The following GRIK4 variants were observed in gnomAD, a reference collection of about 807,000 sequenced individuals.
GRIK4 encodes the protein glutamate receptor ionotropic, kainate 4.
A neutral mutation model predicts 104.9 loss-of-function variants in GRIK4; 40 were observed. That is an observed-to-expected ratio of 0.38 (90% confidence interval 0.30 to 0.50). The LOEUF is 0.50. GRIK4 is among the 20% of genes least tolerant of loss of function. The pLI is 0.93. For synonymous variants in GRIK4, 485 were observed against 524.9 expected (o/e 0.92, Z 1.04); for missense variants, 1,047 against 1,308.1 (o/e 0.80, Z 3.08).
intron 13 of GRIK4, among the ~76,000 whole-genome samples, chr11:120,922,745 C>A (rs555212978): frequency 1.2e-4 from 19 of 152,288 alleles, no homozygotes; most frequent in African/African-American, 3.8e-4. Context: ...ATGGCGGTGT[C>A]GGCAGCTACA....
intron 19 of GRIK4, among the ~76,000 whole-genome samples, chr11:120,976,819 T>C (rs1591352867): frequency 6.6e-6 from 1 of 152,240 alleles, no homozygotes; most frequent in Non-Finnish European, 1.5e-5. Context: ...TTCCCAGCCT[T>C]CCCTCACTTT....
At chr11:120,652,025 C>T (rs1198553403) in intron 1 of GRIK4, among the ~76,000 whole-genome samples, 2 of 152,162 alleles carry the variant, frequency 1.3e-5, no homozygotes, top group East Asian at 1.9e-4. Flanking sequence ...CCCAGTTCCT[C>T]CATTTCCCCG....
chr11:120,838,415 G>A (rs11218023), intron 8 of GRIK4, among the ~76,000 whole-genome samples: 27 of 152,146 alleles, frequency 1.8e-4, no homozygotes, highest in Non-Finnish European at 3.5e-4. Context: ...AAAATATATA[G>A]CTCTATGATG....
At chr11:120,674,637 G>C (rs11217962) in intron 3 of GRIK4, among the ~76,000 whole-genome samples, 54 of 152,308 alleles carry the variant, frequency 3.5e-4, no homozygotes, top group African/African-American at 1.1e-3. Context: ...TGACACAGGT[G>C]GGGGAGGGAA....
At chr11:120,720,312 A>T (rs1284064206) in intron 3 of GRIK4, among the ~76,000 whole-genome samples, 1 of 152,210 alleles carries the variant, frequency 6.6e-6, no homozygotes, top group Non-Finnish European at 1.5e-5. Context: ...TTTGTGTTTG[A>T]TTCTGGTTTA....
chr11:120,561,878 G>C (rs140217327), intron 1 of GRIK4, among the ~76,000 whole-genome samples: 1,891 of 152,360 alleles, frequency 0.012, 16 homozygotes, highest in Admixed American at 0.016. Flanking sequence ...GATGATGGGA[G>C]TGTGACTTGG....
At chr11:120,526,852 A>C (rs1387898619) in intron 1 of GRIK4, among the ~76,000 whole-genome samples, 1 of 152,238 alleles carries the variant, frequency 6.6e-6, no homozygotes, top group Non-Finnish European at 1.5e-5. Context: ...ACCATCTCAA[A>C]AAAAAGAAAA....
chr11:120,969,354 G>C (rs1029294279), intron 19 of GRIK4, among the ~76,000 whole-genome samples: 7 of 152,158 alleles, frequency 4.6e-5, no homozygotes, highest in Admixed American at 4.6e-4. Flanking sequence ...CCCAGGACCT[G>C]AATAGGTCGA....
chr11:120,785,898 G>A (rs7104812), intron 3 of GRIK4, among the ~76,000 whole-genome samples: 7,964 of 152,252 alleles, frequency 0.052, 676 homozygotes, highest in African/African-American at 0.17. Flanking sequence ...CCCACTCAGC[G>A]GGGTTGCCAA....
chr11:120,894,317 C>T (rs962121589), intron 11 of GRIK4: 1 of 152,166 alleles, frequency 6.6e-6, no homozygotes, highest in African/African-American at 2.4e-5. Context: ...GGTAACTTAC[C>T]CAAGTTCACG....
chr11:120,709,342 T>C (rs1480251901), intron 3 of GRIK4, among the ~76,000 whole-genome samples: 4 of 151,968 alleles, frequency 2.6e-5, no homozygotes, highest in African/African-American at 9.7e-5. Flanking sequence ...TGCCGTGTGT[T>C]GTGTTACATG....
intron 1 of GRIK4, among the ~76,000 whole-genome samples, chr11:120,582,981 A>G (rs192619943): frequency 9.3e-4 from 142 of 152,340 alleles, no homozygotes; most frequent in Non-Finnish European, 7.9e-4. Context: ...CCAGCAGTGT[A>G]TACGTGTTCC....
At position 120,822,207 on chromosome 11, in the gene GRIK4, ATC is replaced by A. The variant is rs1953144762; in HGVS notation, c.511+2290_511+2291del. 1.7e-5 allele frequency among the ~76,000 whole-genome samples: 2 copies of A among 119,036 alleles called. 1 individual carries two copies. Among genetic ancestry groups the A allele is most frequent in the South Asian group, 6.0e-4 (2 of 3,334 alleles). The allele number at this position is 119,036 out of a possible 152,430, so 78.1% of individuals were successfully genotyped here. A position where few individuals can be genotyped will look rare whatever the true frequency, so the allele number is the denominator to read the frequency against. Reference sequence around the variant, plus strand: ...ACCTGGGTGACAGGAGGGAAACCCTATCTCAAAAAAAAAAAAAAAAAAAAAAA... The same window carrying A: ...ACCTGGGTGACAGGAGGGAAACCCTATCAAAAAAAAAAAAAAAAAAAAAAA... On this transcript the variant is annotated intron_variant, in intron 6 of 20. Transcript: ENST00000527524.
At chr11:120,721,928 T>C (rs1950939976) in intron 3 of GRIK4, among the ~76,000 whole-genome samples, 1 of 152,214 alleles carries the variant, frequency 6.6e-6, no homozygotes, top group African/African-American at 2.4e-5. Context: ...TTGGACACTA[T>C]ATGTGAGGCA....
At chr11:120,889,725 C>T (rs990514141) in intron 11 of GRIK4, among the ~76,000 whole-genome samples, 1 of 150,994 alleles carries the variant, frequency 6.6e-6, no homozygotes, top group Non-Finnish European at 1.5e-5. Context: ...CTGCCTCAGC[C>T]TCCGGAGTAG....
intron 19 of GRIK4, among the ~76,000 whole-genome samples, chr11:120,976,934 C>CTGT (rs1176686702): frequency 6.6e-6 from 1 of 152,112 alleles, no homozygotes; most frequent in Non-Finnish European, 1.5e-5. Context: ...GTACCTGAAT[C>CTGT]CAAGAAGTGG....
chr11:120,666,145 C>T (rs1403667484), intron 3 of GRIK4, among the ~76,000 whole-genome samples: 2 of 152,168 alleles, frequency 1.3e-5, no homozygotes, highest in Non-Finnish European at 2.9e-5. Context: ...ACATTTGTGC[C>T]ATGGTTTGTG....
At position 120,867,207 on chromosome 11, in the gene GRIK4, C is replaced by T. The variant is rs191056760; in HGVS notation, c.906+5087C>T. ...GCTCACGGCAGCGACAATAGCAACA[C>T]ACCTCTCTCAAGGCTTCTCACTTTA... On this transcript the variant is annotated intron_variant, in intron 9 of 20. Transcript: ENST00000527524. Among the ~76,000 whole-genome samples the T allele has an allele frequency of 8.3e-4, 127 of 152,304 alleles. 1 individual carries two copies. The highest frequency in any genetic ancestry group is 3.0e-3 in the African/African-American group (125 of 41,572).
At chr11:120,814,059 C>G (rs934337830) in intron 4 of GRIK4, among the ~76,000 whole-genome samples, 3 of 152,184 alleles carry the variant, frequency 2.0e-5, no homozygotes, top group Non-Finnish European at 2.9e-5. Context: ...ATTACACATC[C>G]CATTCCTTTA....
Sources: allele counts gnomAD v4.1 joint callset (sites outside exome capture counted in the v4.1 genomes callset), GRCh38; gene constraint gnomAD v4.1.1; transcripts MANE v1.5; gene names NCBI Gene and HGNC (gene_info 2026-07-23, HGNC 2026-07-21).